Variants in BRIP1 observed in about 807,000 individuals in gnomAD.
BRIP1 encodes Fanconi anemia group J protein.
BRIP1 carries 88 observed loss-of-function variants against 119.7 expected under a neutral mutation model. The ratio of observed to expected loss-of-function variants is 0.74; its 90% CI spans 0.62 to 0.88. BRIP1 has a LOEUF of 0.88. Among genes scored for constraint, BRIP1 ranks in the 40% least tolerant of loss-of-function variants. The pLI is 0.00. For synonymous variants in BRIP1, 443 were observed against 496.5 expected, an observed-to-expected ratio of 0.89 and a Z score of 1.43; for missense variants, 1,259 against 1,455.4, an observed-to-expected ratio of 0.87 and a Z score of 2.20.
chr17:61,777,519 C>T (rs7208704), intron 13 of BRIP1, among the ~76,000 whole-genome samples: 115,226 of 152,166 alleles, frequency 0.76, 44,005 homozygotes, highest in East Asian at 0.82. Flanking sequence ...TTTTTACTTG[C>T]ACTTCTGACT....
intron 14 of BRIP1, among the ~76,000 whole-genome samples, chr17:61,747,883 G>T (rs1243567892): frequency 6.6e-6 from 1 of 151,176 alleles, no homozygotes; most frequent in Non-Finnish European, 1.5e-5. Context: ...CTAGAGGCAT[G>T]AGCCACCATG....
At chr17:61,731,626 T>C (rs1159205930) in intron 16 of BRIP1, among the ~76,000 whole-genome samples, 1 of 152,246 alleles carries the variant, frequency 6.6e-6, no homozygotes, top group Admixed American at 6.5e-5. Context: ...AGAATACTCT[T>C]ATCCATTCTG....
At position 61,842,535 on chromosome 17, in the gene BRIP1, T is replaced by C. The variant is rs974020283; in HGVS notation, c.627+4566A>G. Among the ~76,000 whole-genome samples, 1 of 152,198 alleles carries C rather than the reference T, an allele frequency of 6.6e-6. No individual in the cohort carries two copies. Among genetic ancestry groups the C allele is most frequent in the Non-Finnish European group, 1.5e-5 (1 of 68,038 alleles). ...GATCATTACACATCATATACATGTATGAAAATTATCACACTGAATCCCATA... is the reference window on the plus strand; with the variant it reads ...GATCATTACACATCATATACATGTACGAAAATTATCACACTGAATCCCATA... On this transcript the variant is annotated intron_variant, in intron 6 of 19. Coordinates refer to ENST00000259008, the MANE Select transcript of BRIP1 (RefSeq NM_032043.3). The surrounding 1 kb of genome is among the most constrained non-coding windows in gnomAD (Gnocchi z 5.1).
rs541488124 is a variant in BRIP1 at position 61,720,343 on chromosome 17, T to G, written c.2380-4280A>C. 5.3e-5 allele frequency among the ~76,000 whole-genome samples: 8 copies of G among 152,298 alleles called. No homozygotes were observed. The highest frequency in any genetic ancestry group is 2.1e-4 in the South Asian group (1 of 4,820). On this transcript the variant is annotated intron_variant, in intron 16 of 19. Coordinates refer to ENST00000259008, the MANE Select transcript of BRIP1 (RefSeq NM_032043.3). This position sits in a 1 kb window ranked among gnomAD's most constrained non-coding sequence, Gnocchi z 4.3. ...CCTGATCTAATCAATAAACATCATA[T>G]GTATCAAAACATCACTATGTACCCT... is the stretch of plus-strand genomic sequence containing the variant.
rs2078391710 is a variant in BRIP1, at chr17:61,825,461, A to G, written c.628-16704T>C. 6.6e-6 allele frequency among the ~76,000 whole-genome samples: 1 copy of G among 151,922 alleles called. No individual in the cohort carries two copies. ...CCCTCTTTGCAGATGACATGATCCT[A>G]TATCTAGAAAACTCCACAGTCTCAG... On this transcript the variant is annotated intron_variant, in intron 6 of 19. Transcript: ENST00000259008. This position sits in a 1 kb window ranked among gnomAD's most constrained non-coding sequence, Gnocchi z 4.1.
chr17:61,716,911 T>C (rs2061887815), intron 16 of BRIP1, among the ~76,000 whole-genome samples: 2 of 152,102 alleles, frequency 1.3e-5, no homozygotes, highest in South Asian at 2.1e-4. Flanking sequence ...CTTAAAATAA[T>C]ATTTTACCAC....
In BRIP1 at chr17:61,810,071, T is replaced by TA. The variant is rs1217929233; in HGVS notation, c.628-1315dup. 6.6e-6 allele frequency among the ~76,000 whole-genome samples: 1 copy of TA among 152,178 alleles called. No homozygotes were observed. The highest frequency in any genetic ancestry group is 1.5e-5 in the Non-Finnish European group (1 of 68,018). On this transcript the variant is annotated intron_variant, in intron 6 of 19. Coordinates refer to ENST00000259008, the MANE Select transcript of BRIP1 (RefSeq NM_032043.3). This position sits in a 1 kb window ranked among gnomAD's most constrained non-coding sequence, Gnocchi z 4.7. ...ATAAAAGGTTCACTGATGTGCCAAA[T>TA]AAACAGTCAGTCAAAGCAGATAAAG...
chr17:61,683,715 C>G lies in BRIP1; in HGVS notation c.3331G>C (p.Glu1111Gln), dbSNP rs587780248. 1.7e-5 allele frequency: 27 copies of G among 1,613,928 alleles called. No individual in the cohort carries two copies. Among genetic ancestry groups the G allele is most frequent in the Non-Finnish European group, 2.3e-5 (27 of 1,179,988 alleles). ...PDIELSLVSE[E>Q]DKQSTSNRDF... The stretch of plus-strand genomic sequence containing the variant: ...CTATTTGAAGTGGACTGTTTATCTT[C>G]TTCACTTACTAGAGACAATTCAATG... Residue 1111 changes from glutamate to glutamine, a missense_variant, in exon 20 of 20, where the codon GAA (glutamate) becomes CAA (glutamine). By Grantham distance (29) the Glu-to-Gln change is conservative. This residue lies in a region of BRIP1 where 753 missense variants were observed against 891.8 expected (regional missense o/e 0.84). Transcript: ENST00000259008. The surrounding 1 kb of genome is among the most constrained non-coding windows in gnomAD (Gnocchi z 4.7).
At position 61,757,365 on chromosome 17, in the gene BRIP1, T is replaced by C. The variant is rs900877921; in HGVS notation, c.2098-12774A>G. On this transcript the variant is annotated intron_variant, in intron 14 of 19. Transcript: ENST00000259008. This position sits in a 1 kb window ranked among gnomAD's most constrained non-coding sequence, Gnocchi z 4.3. Reference sequence around the variant, plus strand: ...AAACTTTCAATGAACACAGGTGCAGTTGGAGGTGCACTTGGAGGAATAATA... The same window carrying C: ...AAACTTTCAATGAACACAGGTGCAGCTGGAGGTGCACTTGGAGGAATAATA... 1.2e-4 allele frequency among the ~76,000 whole-genome samples: 19 copies of C among 152,176 alleles called. No homozygotes were observed. The highest frequency in any genetic ancestry group is 3.6e-4 in the African/African-American group (15 of 41,442).
chr17:61,772,369 CAGAA>C, intron 14 of BRIP1, among the ~76,000 whole-genome samples: 1 of 151,452 alleles, frequency 6.6e-6, no homozygotes, highest in African/African-American at 2.4e-5. Context: ...TTCACAGAGA[CAGAA>C]AGAATACTAG....
rs572044654 is a variant in BRIP1, at chr17:61,860,092, A to T, written c.94-185T>A. 1.3e-5 allele frequency among the ~76,000 whole-genome samples: 2 copies of T among 152,334 alleles called. No homozygotes were observed. Among genetic ancestry groups the T allele is most frequent in the South Asian group, 4.1e-4 (2 of 4,828 alleles). On this transcript the variant is annotated intron_variant, in intron 2 of 19. Transcript: ENST00000259008. The surrounding 1 kb of genome is among the most constrained non-coding windows in gnomAD (Gnocchi z 4.1). ...TTCCTTTACACCTCTCCCTAAGATT[A>T]TCTTACTAAAATATCAAGCACAAGA...
intron 16 of BRIP1, among the ~76,000 whole-genome samples, chr17:61,732,283 T>C (rs2076858941): frequency 6.6e-6 from 1 of 152,092 alleles, no homozygotes; most frequent in Admixed American, 6.6e-5. Context: ...ACCCGGCCTA[T>C]TCTGAATAGT....
rs568296020 is a variant in BRIP1 at position 61,772,128 on chromosome 17, G to A, written c.2097+4273C>T. ...GGTAGAAACAATCCAAATACCCATC[G>A]ACAGATGAATGGATAAGCAAATGTG... On this transcript the variant is annotated intron_variant, in intron 14 of 19. Coordinates refer to ENST00000259008, the MANE Select transcript of BRIP1 (RefSeq NM_032043.3). 9.6e-5 allele frequency among the ~76,000 whole-genome samples: 13 copies of A among 134,992 alleles called. No homozygotes were observed. The East Asian group carries it at 1.3e-3, about 14-fold the overall frequency. The allele number at this position is 134,992 out of a possible 152,430, so 88.6% of individuals were successfully genotyped here. A position where few individuals can be genotyped will look rare whatever the true frequency, so the allele number is the denominator to read the frequency against.
intron 6 of BRIP1, among the ~76,000 whole-genome samples, chr17:61,820,157 C>T (rs1307168418): frequency 6.6e-6 from 1 of 152,030 alleles, no homozygotes; most frequent in African/African-American, 2.4e-5. Context: ...ATCCTATCTC[C>T]CACCTTACAT....
Position 61,687,135 on chromosome 17 carries a change from GAGGC to G in BRIP1, c.2576-974_2576-971del, listed in dbSNP as rs2061375316. On this transcript the variant is annotated intron_variant, in intron 18 of 19. Coordinates refer to ENST00000259008, the MANE Select transcript of BRIP1 (RefSeq NM_032043.3). The surrounding 1 kb of genome is among the most constrained non-coding windows in gnomAD (Gnocchi z 5.1). The stretch of plus-strand genomic sequence containing the variant: ...CACATGTATAATCCCAGCATTTGGG[GAGGC>G]TGAGGTGGGAAGATTGCTTGAGGCC... Among the ~76,000 whole-genome samples the G allele has an allele frequency of 6.6e-6, 1 of 152,144 alleles. No individual in the cohort carries two copies. Among genetic ancestry groups the G allele is most frequent in the Non-Finnish European group, 1.5e-5 (1 of 68,038 alleles).
At chr17:61,741,375 G>A (rs2076984504) in intron 16 of BRIP1, among the ~76,000 whole-genome samples, 1 of 152,180 alleles carries the variant, frequency 6.6e-6, no homozygotes, top group African/African-American at 2.4e-5. Flanking sequence ...TTGATATTCT[G>A]ACCTCCTCCC....
At position 61,738,726 on chromosome 17, in the gene BRIP1, T is replaced by A. The variant is rs1038150476; in HGVS notation, c.2379+4287A>T. 3.3e-5 allele frequency among the ~76,000 whole-genome samples: 5 copies of A among 152,232 alleles called. No homozygotes were observed. The highest frequency in any genetic ancestry group is 7.3e-5 in the Non-Finnish European group (5 of 68,034). ...AATGGAATTTTCTCACAAATGTATA[T>A]TTTTAATTTTAAGAATTTTTGGAAA... On this transcript the variant is annotated intron_variant, in intron 16 of 19. Coordinates refer to ENST00000259008, the MANE Select transcript of BRIP1 (RefSeq NM_032043.3). This position sits in a 1 kb window ranked among gnomAD's most constrained non-coding sequence, Gnocchi z 4.2.
At position 61,843,201 on chromosome 17, in the gene BRIP1, G is replaced by T. The variant is rs9944467; in HGVS notation, c.627+3900C>A. On this transcript the variant is annotated intron_variant, in intron 6 of 19. Transcript: ENST00000259008. This position sits in a 1 kb window ranked among gnomAD's most constrained non-coding sequence, Gnocchi z 5.7. ...AACAGAAATCAGAACAATGGTTACT[G>T]GGGCAGGGAGGTGGGGGATTTGAGG... Among the ~76,000 whole-genome samples, 8,866 of 152,216 alleles carry T rather than the reference G, an allele frequency of 0.058. 884 individuals are homozygous for T. The highest frequency in any genetic ancestry group is 0.2 in the African/African-American group (8,301 of 41,506).
intron 6 of BRIP1, among the ~76,000 whole-genome samples, chr17:61,813,415 A>G (rs544475990): frequency 2.0e-5 from 3 of 152,156 alleles, no homozygotes; most frequent in African/African-American, 7.2e-5. Context: ...ACATAACTGT[A>G]ACTTAGCTTT....
Sources: gnomAD v4.1 joint callset for allele counts (sites outside exome capture counted in the v4.1 genomes callset) on GRCh38, gnomAD v4.1.1 for gene constraint, gnomAD v4.1.1 regional missense constraint, Gnocchi (gnomAD v3.1) non-coding constraint, MANE v1.5 for transcripts, NCBI Gene and HGNC (gene_info 2026-07-23, HGNC 2026-07-21) for gene names.